LRRC4C: variants seen among roughly 807,000 people sequenced by gnomAD.
LRRC4C encodes leucine-rich repeat-containing protein 4C.
Under a neutral mutation model 33.6 loss-of-function variants are expected in LRRC4C, and 5 were observed. The ratio of observed to expected loss-of-function variants is 0.15; its 90% CI spans 0.08 to 0.31. The LOEUF (loss-of-function observed/expected upper bound fraction) is 0.31. LRRC4C is among the 10% of genes least tolerant of loss of function. LRRC4C has a pLI of 1.00. For missense variants in LRRC4C, 560 were observed against 796.7 expected (o/e 0.70, Z 3.58); for synonymous variants, 329 against 302.0 (o/e 1.09, Z -0.93).
rs139460772 is a variant in LRRC4C at position 40,235,532 on chromosome 11, T to C, written c.-96+5987A>G. Among the ~76,000 whole-genome samples the C allele has an allele frequency of 1.8e-3, 267 of 152,300 alleles. 10 individuals are homozygous for C. The East Asian group carries it at 0.045, about 26-fold the overall frequency. ...TTGAGAATCAAGGCACAGTGACAAA[T>C]TGTTGAAAGAAAATATTTGACAGTA... On this transcript the variant is annotated intron_variant, in intron 5 of 6. Transcript: ENST00000528697.
chr11:40,851,954 T>G (rs1274349562), intron 2 of LRRC4C, among the ~76,000 whole-genome samples: 1 of 152,126 alleles, frequency 6.6e-6, no homozygotes, highest in African/African-American at 2.4e-5. Flanking sequence ...ACAAACTCAT[T>G]TAAAAGGAGC....
chr11:40,984,098 A>G (rs1008431654), intron 1 of LRRC4C, among the ~76,000 whole-genome samples: 10 of 151,878 alleles, frequency 6.6e-5, no homozygotes, highest in African/African-American at 2.4e-4. Context: ...TGATATGTTC[A>G]ATCCTATAAC....
chr11:41,159,678 A>T (rs1345029406), intron 1 of LRRC4C, among the ~76,000 whole-genome samples: 2 of 152,288 alleles, frequency 1.3e-5, no homozygotes, highest in East Asian at 3.9e-4. Context: ...TGTGAGGAAT[A>T]TTCAAGTATT....
chr11:41,174,246 T>C (rs1218514063), intron 1 of LRRC4C, among the ~76,000 whole-genome samples: 2 of 152,120 alleles, frequency 1.3e-5, no homozygotes, highest in African/African-American at 2.4e-5. Flanking sequence ...AATAAGCTTA[T>C]CACTTAAGGT....
chr11:41,256,882 A>G (rs1399024453), intron 1 of LRRC4C, among the ~76,000 whole-genome samples: 2 of 152,052 alleles, frequency 1.3e-5, no homozygotes, highest in Non-Finnish European at 2.9e-5. Flanking sequence ...GGAACAGTAC[A>G]CATTATATAT....
intron 1 of LRRC4C, among the ~76,000 whole-genome samples, chr11:41,433,701 T>G (rs2138445738): frequency 6.6e-6 from 1 of 152,242 alleles, no homozygotes; most frequent in Non-Finnish European, 1.5e-5. Flanking sequence ...TCTTCAGCTT[T>G]GGGACTCGGA....
intron 3 of LRRC4C, among the ~76,000 whole-genome samples, chr11:40,523,625 T>C (rs573105100): frequency 7.0e-6 from 1 of 143,022 alleles, no homozygotes; most frequent in Non-Finnish European, 1.5e-5. Context: ...GAGTATTCTA[T>C]TATATAGAAA....
intron 1 of LRRC4C, among the ~76,000 whole-genome samples, chr11:41,328,003 T>C (rs1452995631): frequency 1.3e-5 from 2 of 152,204 alleles, no homozygotes; most frequent in Admixed American, 6.5e-5. Flanking sequence ...TAAAGTCTTA[T>C]TTTTCATGCT....
At chr11:40,970,208 C>T (rs1851631606) in intron 1 of LRRC4C, among the ~76,000 whole-genome samples, 1 of 152,080 alleles carries the variant, frequency 6.6e-6, no homozygotes. Context: ...GCATTCCCAC[C>T]CAAGTCTCAT....
At chr11:40,946,023 G>T (rs1358115935) in intron 1 of LRRC4C, among the ~76,000 whole-genome samples, 1 of 152,140 alleles carries the variant, frequency 6.6e-6, no homozygotes, top group Non-Finnish European at 1.5e-5. Context: ...GGATACAAAT[G>T]ATCCTGTTGC....
intron 1 of LRRC4C, among the ~76,000 whole-genome samples, chr11:41,275,798 A>C (rs920526012): frequency 6.6e-6 from 1 of 152,220 alleles, no homozygotes; most frequent in Non-Finnish European, 1.5e-5. Context: ...CTAACATTAC[A>C]TTAAATTGAT....
At chr11:41,342,450 C>G (rs541403138) in intron 1 of LRRC4C, among the ~76,000 whole-genome samples, 1 of 152,276 alleles carries the variant, frequency 6.6e-6, no homozygotes, top group South Asian at 2.1e-4. Context: ...CACGGTGGCT[C>G]TCACCCATAA....
intron 3 of LRRC4C, among the ~76,000 whole-genome samples, chr11:40,334,055 T>C (rs1171414878): frequency 6.6e-6 from 1 of 152,184 alleles, no homozygotes; most frequent in East Asian, 1.9e-4. Flanking sequence ...AAAAACTTCC[T>C]TAGTGGATAC....
chr11:40,872,430 T>C (rs1475031774), intron 2 of LRRC4C, among the ~76,000 whole-genome samples: 1 of 152,182 alleles, frequency 6.6e-6, no homozygotes, highest in East Asian at 1.9e-4. Context: ...ATAATTCACT[T>C]ATGGCAAGAA....
intron 6 of LRRC4C, among the ~76,000 whole-genome samples, chr11:40,122,474 T>A (rs1855896994): frequency 6.6e-6 from 1 of 152,114 alleles, no homozygotes; most frequent in Non-Finnish European, 1.5e-5. Flanking sequence ...GTTCTCATTG[T>A]TCAGCTCCCA....
At chr11:40,681,818 T>C (rs1373648513) in intron 2 of LRRC4C, among the ~76,000 whole-genome samples, 1 of 152,174 alleles carries the variant, frequency 6.6e-6, no homozygotes, top group Non-Finnish European at 1.5e-5. Context: ...GATTAGAGAC[T>C]ATTATTCTAA....
At chr11:40,917,814 T>C (rs1390732428) in intron 2 of LRRC4C, among the ~76,000 whole-genome samples, 1 of 152,148 alleles carries the variant, frequency 6.6e-6, no homozygotes, top group Non-Finnish European at 1.5e-5. Flanking sequence ...CCCCTTGGCA[T>C]TGTGAAGCAC....
At chr11:40,190,315 T>G (rs1861731210) in intron 5 of LRRC4C, among the ~76,000 whole-genome samples, 1 of 152,058 alleles carries the variant, frequency 6.6e-6, no homozygotes, top group Non-Finnish European at 1.5e-5. Flanking sequence ...TTTTGGGAGG[T>G]TACAGATAAA....
intron 1 of LRRC4C, among the ~76,000 whole-genome samples, chr11:41,137,292 A>T (rs1001127838): frequency 2.9e-4 from 44 of 152,240 alleles, no homozygotes; most frequent in African/African-American, 9.1e-4. Flanking sequence ...TCAGGCACAA[A>T]CACATTCATA....
Sources: gnomAD v4.1 joint callset for allele counts (sites outside exome capture counted in the v4.1 genomes callset) on GRCh38, gnomAD v4.1.1 for gene constraint, MANE v1.5 for transcripts, NCBI Gene and HGNC (gene_info 2026-07-23, HGNC 2026-07-21) for gene names.